PPP2R2B: variants seen among roughly 807,000 people sequenced by gnomAD.
The protein encoded by PPP2R2B is serine/threonine-protein phosphatase 2A 55 kDa regulatory subunit B beta isoform.
A neutral mutation model predicts 46.0 loss-of-function variants in PPP2R2B; 5 were observed. That is an observed-to-expected ratio of 0.11 (90% confidence interval 0.06 to 0.23). PPP2R2B has a LOEUF of 0.23. PPP2R2B is among the 10% of genes least tolerant of loss of function. PPP2R2B has a pLI of 1.00. For synonymous variants in PPP2R2B, 215 were observed against 206.7 expected (o/e 1.04, Z -0.34); for missense variants, 367 against 575.0 (o/e 0.64, Z 3.70).
At chr5:146,749,457 G>A (rs1227267550) in intron 2 of PPP2R2B, among the ~76,000 whole-genome samples, 1 of 152,062 alleles carries the variant, frequency 6.6e-6, no homozygotes. Context: ...CTAGATCACA[G>A]TGCATGTAGC....
At chr5:146,796,088 C>T (rs554741003) in intron 2 of PPP2R2B, among the ~76,000 whole-genome samples, 12 of 152,266 alleles carry the variant, frequency 7.9e-5, no homozygotes, top group African/African-American at 2.9e-4. Context: ...GTGTGTTTTG[C>T]TGCTGACTCA....
intron 1 of PPP2R2B, chr5:147,054,537 T>A: frequency 2.3e-6 from 1 of 442,706 alleles, no homozygotes; most frequent in Non-Finnish European, 4.6e-6. Flanking sequence ...ACCCTCAGTC[T>A]CAATTCAAGG....
intron 1 of PPP2R2B, among the ~76,000 whole-genome samples, chr5:146,887,937 A>T (rs2151426663): frequency 6.6e-6 from 1 of 152,340 alleles, no homozygotes. Context: ...GACTTATTGA[A>T]TTAGGTATTC....
Position 146,589,546 on chromosome 5 carries a change from T to C in PPP2R2B, c.*401A>G, listed in dbSNP as rs1293121565. On this transcript the variant is annotated 3_prime_UTR_variant, in exon 10 of 10. Transcript: ENST00000394411. ...GGTGTTTATTTTTTGTTGATTTTTTTCAATCAAATGGAATTGCTTAATTAA... is the reference window on the plus strand; with the variant it reads ...GGTGTTTATTTTTTGTTGATTTTTTCCAATCAAATGGAATTGCTTAATTAA... 1.3e-5 allele frequency: 2 copies of C among 159,218 alleles called. No individual in the cohort carries two copies. The highest frequency in any genetic ancestry group is 1.4e-5 in the Non-Finnish European group (1 of 73,890). The allele number at this position is 159,218 out of a possible 1,614,324, so 9.9% of individuals were successfully genotyped here.
rs1379438660 is a variant in PPP2R2B at position 146,680,881 on chromosome 5, A to C, written c.447+10247T>G. Among the ~76,000 whole-genome samples, 4 of 152,200 alleles carry C rather than the reference A, an allele frequency of 2.6e-5. No homozygotes were observed. The South Asian group carries it at 8.3e-4, about 32-fold the overall frequency. On this transcript the variant is annotated intron_variant, in intron 5 of 9. Transcript: ENST00000394411. ...CCATTCTAAGGAAACCAGAGAATAA[A>C]ATATATTTTTCTGTTGAAAACAGTC...
intron 1 of PPP2R2B, among the ~76,000 whole-genome samples, chr5:146,965,926 G>T (rs778844756): frequency 4.6e-5 from 7 of 152,158 alleles, no homozygotes; most frequent in Non-Finnish European, 8.8e-5. Context: ...AGTGGGAATC[G>T]TACGACTCAC....
chr5:146,622,860 G>T (rs530917893), intron 7 of PPP2R2B, among the ~76,000 whole-genome samples: 77 of 152,234 alleles, frequency 5.1e-4, no homozygotes, highest in African/African-American at 1.8e-3. Context: ...ATACCATTTT[G>T]TACTGGGGTC....
chr5:147,013,400 G>T (rs896369484), intron 1 of PPP2R2B, among the ~76,000 whole-genome samples: 1 of 73,636 alleles, frequency 1.4e-5, no homozygotes, highest in Non-Finnish European at 3.3e-5. Flanking sequence ...AGTTCATATG[G>T]AACCAAAAAA....
chr5:146,799,697 CTA>C (rs1030268305), intron 2 of PPP2R2B, among the ~76,000 whole-genome samples: 99 of 152,310 alleles, frequency 6.5e-4, no homozygotes, highest in Non-Finnish European at 1.0e-3. Flanking sequence ...TCTGCCAAAG[CTA>C]TATAGCTCTC....
chr5:146,798,079 C>T (rs1427512777), intron 2 of PPP2R2B, among the ~76,000 whole-genome samples: 1 of 152,154 alleles, frequency 6.6e-6, no homozygotes, highest in African/African-American at 2.4e-5. Flanking sequence ...TCCTCAGGAG[C>T]TTTCCATTTT....
chr5:146,835,606 T>C (rs1759232076), intron 2 of PPP2R2B, among the ~76,000 whole-genome samples: 2 of 152,180 alleles, frequency 1.3e-5, no homozygotes, highest in Admixed American at 6.5e-5. Context: ...CTCAGTGTAT[T>C]CCAGCTCTCA....
chr5:146,799,449 T>G (rs886231951), intron 2 of PPP2R2B, among the ~76,000 whole-genome samples: 7 of 152,256 alleles, frequency 4.6e-5, no homozygotes, highest in African/African-American at 1.7e-4. Flanking sequence ...GATATGCATA[T>G]TGCACACCCA....
rs1439473341 is a variant in PPP2R2B, at chr5:146,959,235, C to T, written c.79+96430G>A. 2.0e-5 allele frequency among the ~76,000 whole-genome samples: 3 copies of T among 152,104 alleles called. 1 individual carries two copies. Among genetic ancestry groups the T allele is most frequent in the African/African-American group, 4.8e-5 (2 of 41,392 alleles). ...TAGTAAATAATCAAAACCTGCCTAC[C>T]TAACATGCCTTCTAGCATTAATGTT... On this transcript the variant is annotated intron_variant, in intron 1 of 8. Transcript: ENST00000336640.
chr5:146,963,826 C>T (rs955614804), intron 1 of PPP2R2B, among the ~76,000 whole-genome samples: 2 of 152,168 alleles, frequency 1.3e-5, no homozygotes, highest in Admixed American at 6.6e-5. Context: ...AACTCCCTAA[C>T]TCATTGTATT....
rs201416919 is a variant in PPP2R2B at position 146,615,513 on chromosome 5, A to T, written c.791-15053T>A. ...AACTTAGAGTATAATAAAAAAAAAA[A>T]TTAAAAAAAAAAAAAAAGAAAAAAA... is the stretch of plus-strand genomic sequence containing the variant. On this transcript the variant is annotated intron_variant, in intron 7 of 9. Transcript: ENST00000394411. 4.4e-3 allele frequency among the ~76,000 whole-genome samples: 571 copies of T among 129,092 alleles called. 4 individuals carry two copies. Among genetic ancestry groups the T allele is most frequent in the African/African-American group, 0.018 (523 of 28,568 alleles). The allele number at this position is 129,092 out of a possible 152,430, so 84.7% of individuals were successfully genotyped here.
At chr5:147,023,612 T>C (rs1755389030) in intron 1 of PPP2R2B, among the ~76,000 whole-genome samples, 1 of 152,208 alleles carries the variant, frequency 6.6e-6, no homozygotes, top group Non-Finnish European at 1.5e-5. Flanking sequence ...CTAAGCTATA[T>C]TGCCAGGGCC....
chr5:146,996,972 T>G (rs1753950241), intron 1 of PPP2R2B, among the ~76,000 whole-genome samples: 1 of 152,188 alleles, frequency 6.6e-6, no homozygotes, highest in South Asian at 2.1e-4. Flanking sequence ...ACTGGCTTTA[T>G]GACTTTGGGA....
chr5:147,054,315 T>C (rs1756967840), intron 1 of PPP2R2B, among the ~76,000 whole-genome samples: 1 of 152,182 alleles, frequency 6.6e-6, no homozygotes, highest in Non-Finnish European at 1.5e-5. Flanking sequence ...AGATCTTTAG[T>C]ATTTGAAAAG....
intron 2 of PPP2R2B, among the ~76,000 whole-genome samples, chr5:146,753,057 A>T (rs1347407085): frequency 6.6e-6 from 1 of 152,182 alleles, no homozygotes; most frequent in Non-Finnish European, 1.5e-5. Context: ...AAAGAAACAC[A>T]TTTTGGCAAA....
Sources: gnomAD v4.1 joint callset for allele counts (sites outside exome capture counted in the v4.1 genomes callset) on GRCh38, gnomAD v4.1.1 for gene constraint, MANE v1.5 for transcripts, NCBI Gene and HGNC (gene_info 2026-07-23, HGNC 2026-07-21) for gene names.